Variants in NTN4 observed in about 807,000 individuals in gnomAD.
The protein encoded by NTN4 is netrin 4.
NTN4 carries 32 observed loss-of-function variants against 73.6 expected under a neutral mutation model. That is an observed-to-expected ratio of 0.44 (90% CI 0.33 to 0.58). The LOEUF is 0.58. Among genes scored for constraint, NTN4 ranks in the 20% least tolerant of loss-of-function variants. The pLI is 0.04. For missense variants in NTN4, 654 were observed against 798.3 expected (o/e 0.82, Z 2.18); for synonymous variants, 258 against 287.5 (o/e 0.90, Z 1.04).
intron 2 of NTN4, among the ~76,000 whole-genome samples, chr12:95,740,352 C>T (rs929431365): frequency 3.3e-5 from 5 of 152,156 alleles, no homozygotes; most frequent in African/African-American, 1.2e-4. Context: ...TAGAAGCCCT[C>T]AGGATAGTAT....
chr12:95,731,982 G>C (rs896412708), intron 3 of NTN4, among the ~76,000 whole-genome samples: 2 of 152,098 alleles, frequency 1.3e-5, no homozygotes, highest in African/African-American at 4.8e-5. Flanking sequence ...CACATAGTAG[G>C]CATTCAGTAA....
At chr12:95,712,787 C>CTTTCTTTT (rs2078573995) in intron 4 of NTN4, among the ~76,000 whole-genome samples, 3 of 105,734 alleles carry the variant, frequency 2.8e-5, no homozygotes, top group Non-Finnish European at 5.5e-5. Context: ...TTCTTTCTTT[C>CTTTCTTTT]TTTTTTTTTT....
chr12:95,723,408 T>C (rs2078664853), intron 3 of NTN4, among the ~76,000 whole-genome samples: 1 of 152,324 alleles, frequency 6.6e-6, no homozygotes, highest in Non-Finnish European at 1.5e-5. Context: ...TGATTAATAA[T>C]GCAAATAATT....
intron 2 of NTN4, among the ~76,000 whole-genome samples, chr12:95,740,406 T>C (rs769222157): frequency 6.6e-6 from 1 of 152,180 alleles, no homozygotes; most frequent in Non-Finnish European, 1.5e-5. Flanking sequence ...GGAATGTATC[T>C]ATAGGCCCAT....
chr12:95,662,390 T>C (rs1185457015), intron 9 of NTN4, among the ~76,000 whole-genome samples: 1 of 151,948 alleles, frequency 6.6e-6, no homozygotes, highest in Non-Finnish European at 1.5e-5. Context: ...CCACTAAACC[T>C]GGCTAATTTT....
At chr12:95,779,406 T>C (rs978847604) in intron 2 of NTN4, among the ~76,000 whole-genome samples, 49 of 152,144 alleles carry the variant, frequency 3.2e-4, no homozygotes, top group African/African-American at 1.2e-3. Context: ...TTTAGAAAAC[T>C]CCATTGTCTC....
Position 95,688,398 on chromosome 12 carries a change from A to G in NTN4, c.1181-4687T>C, listed in dbSNP as rs201287363. Among the ~76,000 whole-genome samples, 4 of 152,280 alleles carry G rather than the reference A, an allele frequency of 2.6e-5. No individual in the cohort carries two copies. In the East Asian group the frequency reaches 5.8e-4, roughly 22 times the overall value. ...TTCATGAAACTGAATAATTAGTGACATTATTCACAAAGATCTAGAAGAGAG... is the reference window on the plus strand; with the variant it reads ...TTCATGAAACTGAATAATTAGTGACGTTATTCACAAAGATCTAGAAGAGAG... On this transcript the variant is annotated intron_variant, in intron 5 of 9. Coordinates refer to ENST00000343702, the MANE Select transcript of NTN4 (RefSeq NM_021229.4).
chr12:95,695,529 T>C (rs2078434998), intron 5 of NTN4, among the ~76,000 whole-genome samples: 1 of 152,064 alleles, frequency 6.6e-6, no homozygotes, highest in Non-Finnish European at 1.5e-5. Context: ...CACACCTGGC[T>C]AATTTTTGTA....
intron 5 of NTN4, among the ~76,000 whole-genome samples, chr12:95,702,005 C>T (rs11108200): frequency 0.072 from 10,862 of 151,824 alleles, 1,028 homozygotes; most frequent in East Asian, 0.53. Context: ...ACTGGCTGGG[C>T]GCGGTGGCTC....
intron 4 of NTN4, 104 bp downstream of exon 4, chr12:95,713,108 T>C: frequency 2.1e-6 from 3 of 1,412,604 alleles, no homozygotes; most frequent in Non-Finnish European, 2.9e-6. Context: ...GGTCTAGTGT[T>C]TGTCACCCAC....
intron 1 of NTN4, among the ~76,000 whole-genome samples, chr12:95,788,437 C>T (rs1322922291): frequency 6.6e-6 from 1 of 152,174 alleles, no homozygotes. Context: ...ATTCTGAGTA[C>T]ATACTATAAT....
At chr12:95,707,113 A>G (rs2078526730) in intron 5 of NTN4, among the ~76,000 whole-genome samples, 1 of 152,232 alleles carries the variant, frequency 6.6e-6, no homozygotes, top group African/African-American at 2.4e-5. Context: ...ACACAAGAAC[A>G]GTCTTTTGAA....
chr12:95,790,368 T>C lies in NTN4; in HGVS notation c.-59A>G. The C allele has an allele frequency of 7.1e-7, 1 of 1,404,034 alleles. No homozygotes were observed. The highest frequency in any genetic ancestry group is 9.5e-7 in the Non-Finnish European group (1 of 1,052,082). The allele number at this position is 1,404,034 out of a possible 1,614,324, so 87.0% of individuals were successfully genotyped here. On this transcript the variant is annotated 5_prime_UTR_variant, in exon 1 of 10. Transcript: ENST00000343702. This position sits in a 1 kb window ranked among gnomAD's most constrained non-coding sequence, Gnocchi z 6.5. The stretch of plus-strand genomic sequence containing the variant: ...GGGTGCCGGAGGGAGCCGAGACCTC[T>C]GGGCTGCGGGATGAAGCGCCGCCGT...
At chr12:95,759,495 T>TTG (rs1555220804) in intron 2 of NTN4, among the ~76,000 whole-genome samples, 1 of 150,904 alleles carries the variant, frequency 6.6e-6, no homozygotes, top group African/African-American at 2.4e-5. Flanking sequence ...ATTTTTGTTT[T>TTG]TTTTTTTTTT....
intron 5 of NTN4, among the ~76,000 whole-genome samples, chr12:95,692,193 G>A (rs1342136994): frequency 2.0e-5 from 3 of 152,010 alleles, no homozygotes; most frequent in East Asian, 1.9e-4. Flanking sequence ...CCGCCACCAC[G>A]CCCAGCTAAT....
At chr12:95,720,049 G>A (rs1023743716) in intron 3 of NTN4, among the ~76,000 whole-genome samples, 1 of 152,114 alleles carries the variant, frequency 6.6e-6, no homozygotes, top group African/African-American at 2.4e-5. Flanking sequence ...CAGTACTTAA[G>A]GCTTCATTTC....
intron 5 of NTN4, among the ~76,000 whole-genome samples, chr12:95,702,647 G>A (rs1346558965): frequency 6.6e-6 from 1 of 152,054 alleles, no homozygotes; most frequent in Non-Finnish European, 1.5e-5. Context: ...CACCACCACA[G>A]AGTACTGAAA....
intron 2 of NTN4, among the ~76,000 whole-genome samples, chr12:95,741,804 C>T (rs2078829194): frequency 6.6e-6 from 1 of 151,768 alleles, no homozygotes; most frequent in Non-Finnish European, 1.5e-5. Flanking sequence ...TTACTGTACT[C>T]GCCTATTTTT....
chr12:95,702,925 T>C (rs1040595163), intron 5 of NTN4, among the ~76,000 whole-genome samples: 1 of 149,436 alleles, frequency 6.7e-6, no homozygotes, highest in Admixed American at 6.8e-5. Context: ...TGGCGCAATC[T>C]TGGCTCACTG....
Sources: allele counts gnomAD v4.1 joint callset (sites outside exome capture counted in the v4.1 genomes callset), GRCh38; gene constraint gnomAD v4.1.1; non-coding constraint Gnocchi (gnomAD v3.1); transcripts MANE v1.5; gene names NCBI Gene and HGNC (gene_info 2026-07-23, HGNC 2026-07-21).